The following PDSS1 variants were observed in gnomAD, a reference collection of about 807,000 sequenced individuals.
PDSS1 encodes all trans-polyprenyl-diphosphate synthase PDSS1.
Under a neutral mutation model 57.5 loss-of-function variants are expected in PDSS1, and 43 were observed. The observed-to-expected ratio is 0.75, with a 90% CI of 0.59 to 0.96. The LOEUF is 0.96. Ranked by LOEUF, PDSS1 falls within the 50% of genes least tolerant of loss-of-function variation. PDSS1 has a pLI of 0.00. For synonymous variants in PDSS1, 175 were observed against 191.3 expected (o/e 0.91, Z 0.70); for missense variants, 438 against 527.8 (o/e 0.83, Z 1.67).
intron 10 of PDSS1, among the ~76,000 whole-genome samples, chr10:26,741,655 A>G (rs554088567): frequency 2.0e-5 from 3 of 152,230 alleles, no homozygotes; most frequent in East Asian, 1.9e-4. Flanking sequence ...TTGGTAATCA[A>G]TTTAGAACTT....
chr10:26,720,193 A>G (rs778801305), intron 5 of PDSS1, 25 bp from the exon 6 acceptor site: 33 of 1,612,156 alleles, frequency 2.0e-5, no homozygotes, highest in Non-Finnish European at 2.7e-5. Flanking sequence ...GCGTCTGTTA[A>G]AAAGCATTGC....
At chr10:26,729,187 A>AT (rs910035641) in intron 8 of PDSS1, among the ~76,000 whole-genome samples, 1 of 151,534 alleles carries the variant, frequency 6.6e-6, no homozygotes, top group African/African-American at 2.4e-5. Flanking sequence ...GTCCTCCATC[A>AT]TTTTTTCAGC....
intron 8 of PDSS1, chr10:26,734,548 C>G (rs1836323625): frequency 2.6e-6 from 1 of 378,104 alleles, no homozygotes; most frequent in Admixed American, 3.5e-5. Context: ...CTTATTTCTC[C>G]CCCATTGAAA....
At chr10:26,721,830 C>T (rs1835796840) in intron 6 of PDSS1, among the ~76,000 whole-genome samples, 1 of 152,196 alleles carries the variant, frequency 6.6e-6, no homozygotes, top group African/African-American at 2.4e-5. Context: ...TTTCTGAGGG[C>T]AGGTCAAGGA....
chr10:26,742,574 A>G lies in PDSS1; in HGVS notation c.1104A>G (p.Leu368=), dbSNP rs1393960515. The G allele has an allele frequency of 1.9e-6, 3 of 1,592,642 alleles. No homozygotes were observed. Among genetic ancestry groups the G allele is most frequent in the Non-Finnish European group, 2.6e-6 (3 of 1,161,126 alleles). ...TAGACAGAGCTCGACAGTATGTACT[A>G]CAGGTAAGACTGTTTTTTTAAAAAA... ...GDVDRARQYV[L]QSDGVQQTTY... Residue 368 remains leucine (L), a synonymous_variant, in exon 11 of 12, where the codon CTA becomes CTG. Transcript: ENST00000376215.
At chr10:26,718,857 G>T (rs1835690007) in intron 5 of PDSS1, 2 of 151,924 alleles carry the variant, frequency 1.3e-5, no homozygotes, top group Admixed American at 1.3e-4. Context: ...TAAGGCTGCT[G>T]GTAAGAGGAG....
chr10:26,705,264 T>A (rs1422330961), intron 3 of PDSS1, 22 bp from the exon 4 acceptor site: 1 of 1,311,876 alleles, frequency 7.6e-7, no homozygotes, highest in Non-Finnish European at 1.1e-6. Flanking sequence ...AATGAAGTCA[T>A]GTGCATTTTT....
intron 1 of PDSS1, among the ~76,000 whole-genome samples, chr10:26,698,176 G>GTTAA (rs5783987): frequency 0.64 from 96,290 of 151,418 alleles, 31,179 homozygotes; most frequent in East Asian, 0.8. Flanking sequence ...TATGGACAAG[G>GTTAA]TTAAGCCTGG....
At chr10:26,727,863 G>C (rs1836012368) in intron 8 of PDSS1, among the ~76,000 whole-genome samples, 1 of 152,034 alleles carries the variant, frequency 6.6e-6, no homozygotes, top group Non-Finnish European at 1.5e-5. Flanking sequence ...CATTACCTTG[G>C]TATTTGGAAG....
At chr10:26,719,459 T>C (rs1385040615) in intron 5 of PDSS1, among the ~76,000 whole-genome samples, 4 of 152,226 alleles carry the variant, frequency 2.6e-5, no homozygotes, top group Non-Finnish European at 5.9e-5. Context: ...GAGGTTGTCA[T>C]ACTAAACGTT....
At chr10:26,708,005 C>CT (rs1226299325) in intron 4 of PDSS1, among the ~76,000 whole-genome samples, 1 of 152,232 alleles carries the variant, frequency 6.6e-6, no homozygotes, top group African/African-American at 2.4e-5. Flanking sequence ...TTCATTCGTG[C>CT]TCTTCTCCTC....
At chr10:26,708,030 C>T (rs919852106) in intron 4 of PDSS1, among the ~76,000 whole-genome samples, 1 of 152,192 alleles carries the variant, frequency 6.6e-6, no homozygotes, top group Admixed American at 6.5e-5. Flanking sequence ...TCTCAGCTTC[C>T]GAGGTGACAG....
Position 26,746,571 on chromosome 10 carries a change from A to C in PDSS1, c.*98A>C. ...TTGCTTCATGTGCAGATAACCAAAA[A>C]TCATTTTAAAAGATATCAAACTTAT... On this transcript the variant is annotated 3_prime_UTR_variant, in exon 12 of 12. Coordinates refer to ENST00000376215, the MANE Select transcript of PDSS1 (RefSeq NM_014317.5). The C allele has an allele frequency of 7.6e-7, 1 of 1,308,618 alleles. No individual in the cohort carries two copies. The highest frequency in any genetic ancestry group is 2.3e-5 in the East Asian group (1 of 42,784). The allele number at this position is 1,308,618 out of a possible 1,614,324, so 81.1% of individuals were successfully genotyped here. A position where few individuals can be genotyped will look rare whatever the true frequency, so the allele number is the denominator to read the frequency against.
At chr10:26,698,210 T>C (rs78676573) in intron 1 of PDSS1, among the ~76,000 whole-genome samples, 9,150 of 152,102 alleles carry the variant, frequency 0.06, 359 homozygotes, top group Non-Finnish European at 0.091. Flanking sequence ...CTATTTACTT[T>C]GGAGTTAGAG....
chr10:26,731,147 G>A (rs12260707), intron 8 of PDSS1, among the ~76,000 whole-genome samples: 2 of 151,976 alleles, frequency 1.3e-5, no homozygotes, highest in Non-Finnish European at 2.9e-5. Flanking sequence ...TCAAGGCCAG[G>A]CCGGCCAACA....
In PDSS1 at chr10:26,697,731, G is replaced by A. The variant is rs868484742; in HGVS notation, c.20G>A (p.Arg7Gln). The A allele has an allele frequency of 6.2e-6, 8 of 1,297,344 alleles. No individual in the cohort carries two copies. The highest frequency in any genetic ancestry group is 5.8e-6 in the Non-Finnish European group (6 of 1,027,092). The allele number at this position is 1,297,344 out of a possible 1,614,324, so 80.4% of individuals were successfully genotyped here. A position where few individuals can be genotyped will look rare whatever the true frequency, so the allele number is the denominator to read the frequency against. The change falls in exon 1 of 12, where the codon CGG (arginine) becomes CAG (glutamine). Residue 7 changes from arginine to glutamine, a missense_variant. Arg to Gln is a conservative substitution (Grantham distance 43). Coordinates refer to ENST00000376215, the MANE Select transcript of PDSS1 (RefSeq NM_014317.5). ...CCGACCATGGCCTCGCGCTGGTGGC[G>A]GTGGCGGCGCGGCTGCTCCTGGAAG... MASRWW[R>Q]WRRGCSWKPA... is the part of the protein sequence containing the mutation.
At chr10:26,746,281 G>A (rs539262408) in intron 11 of PDSS1, 52 bp from the exon 12 acceptor site, 32 of 1,593,352 alleles carry the variant, frequency 2.0e-5, no homozygotes, top group South Asian at 3.3e-5. Context: ...AAGTTAAAAC[G>A]CTGATTCAGT....
chr10:26,732,584 C>T (rs937956127), intron 8 of PDSS1, among the ~76,000 whole-genome samples: 2 of 152,124 alleles, frequency 1.3e-5, no homozygotes, highest in African/African-American at 2.4e-5. Flanking sequence ...CAGGTTCCAG[C>T]GTGTTGGAGC....
rs1411496350 is a variant in PDSS1 at position 26,746,648 on chromosome 10, T to A, written c.*175T>A. The A allele has an allele frequency of 9.6e-6, 6 of 628,064 alleles. No individual in the cohort carries two copies. In the East Asian group the frequency reaches 1.1e-4, roughly 12 times the overall value. 38.9% of individuals were successfully genotyped at this position (628,064 alleles called of 1,614,324 possible). A position where few individuals can be genotyped will look rare whatever the true frequency, so the allele number is the denominator to read the frequency against. ...GCAAAAGTTTTTTCAGAAAACTTTTTAAATGTAATTAATAAACCACCTGAA... is the reference window on the plus strand; with the variant it reads ...GCAAAAGTTTTTTCAGAAAACTTTTAAAATGTAATTAATAAACCACCTGAA... On this transcript the variant is annotated 3_prime_UTR_variant, in exon 12 of 12. Coordinates refer to ENST00000376215, the MANE Select transcript of PDSS1 (RefSeq NM_014317.5).
Sources: gnomAD v4.1 joint callset for allele counts (sites outside exome capture counted in the v4.1 genomes callset) on GRCh38, gnomAD v4.1.1 for gene constraint, MANE v1.5 for transcripts, NCBI Gene and HGNC (gene_info 2026-07-23, HGNC 2026-07-21) for gene names.